CRACD: variants seen among roughly 807,000 people sequenced by gnomAD.
CRACD encodes the protein capping protein-inhibiting regulator of actin dynamics.
A neutral mutation model predicts 106.8 loss-of-function variants in CRACD; 56 were observed. The ratio of observed to expected loss-of-function variants is 0.52; its 90% CI spans 0.42 to 0.66. The LOEUF (loss-of-function observed/expected upper bound fraction) is 0.66. CRACD is among the 30% of genes least tolerant of loss of function. The pLI is 0.00. For missense variants in CRACD, 1,730 were observed against 1,623.2 expected, an observed-to-expected ratio of 1.07 and a Z score of -1.13; for synonymous variants, 754 against 670.8, an observed-to-expected ratio of 1.12 and a Z score of -1.92.
intron 1 of CRACD, among the ~76,000 whole-genome samples, chr4:56,149,500 G>T (rs1461912335): frequency 4.6e-5 from 7 of 152,132 alleles, no homozygotes; most frequent in African/African-American, 1.4e-4. Context: ...TTCTACATGT[G>T]CTTATCTGTA....
chr4:56,179,914 G>T (rs1736741019), intron 2 of CRACD, among the ~76,000 whole-genome samples: 1 of 152,114 alleles, frequency 6.6e-6, no homozygotes, highest in Non-Finnish European at 1.5e-5. Flanking sequence ...CTACTCAGGA[G>T]GCTGAGGCAG....
intron 1 of CRACD, among the ~76,000 whole-genome samples, chr4:56,070,343 T>C (rs56389699): frequency 0.21 from 30,987 of 148,670 alleles, 4,804 homozygotes; most frequent in African/African-American, 0.44. Flanking sequence ...TCTGTCGCCC[T>C]GGCTGGAGTA....
chr4:56,183,954 C>A (rs2109442426), intron 2 of CRACD, among the ~76,000 whole-genome samples: 1 of 152,222 alleles, frequency 6.6e-6, no homozygotes, highest in South Asian at 2.1e-4. Context: ...TCCCTCTAAG[C>A]TTTTGTGCTT....
At position 56,284,292 on chromosome 4, in the gene CRACD, T is replaced by TAAAA. The variant is rs59270238; in HGVS notation, c.-17+11823_-17+11826dup. Among the ~76,000 whole-genome samples the TAAAA allele has an allele frequency of 7.7e-3, 350 of 45,466 alleles. 50 individuals are homozygous for TAAAA. Among genetic ancestry groups the TAAAA allele is most frequent in the African/African-American group, 0.027 (289 of 10,814 alleles). The allele number at this position is 45,466 out of a possible 152,430, so 29.8% of individuals were successfully genotyped here. ...AACATAGTAAGAACCCATCCTAAAG[T>TAAAA]AAAAAAAAAAAAAAAAAAAAAAAAA... On this transcript the variant is annotated intron_variant, in intron 3 of 10. Transcript: ENST00000682029.
chr4:56,237,413 AG>A (rs1740041852), intron 2 of CRACD, among the ~76,000 whole-genome samples: 1 of 152,172 alleles, frequency 6.6e-6, no homozygotes, highest in African/African-American at 2.4e-5. Context: ...TATGCATTTA[AG>A]TCCTATAAAA....
intron 2 of CRACD, among the ~76,000 whole-genome samples, chr4:56,257,318 G>A (rs1342942427): frequency 6.6e-6 from 1 of 152,000 alleles, no homozygotes; most frequent in South Asian, 2.1e-4. Flanking sequence ...CTGACCTCAG[G>A]TGATCCACCT....
chr4:56,233,385 G>A (rs563325446), intron 2 of CRACD, among the ~76,000 whole-genome samples: 52 of 152,232 alleles, frequency 3.4e-4, no homozygotes, highest in South Asian at 8.3e-4. Flanking sequence ...GGGGCTATAG[G>A]CATGCATCAC....
intron 1 of CRACD, among the ~76,000 whole-genome samples, chr4:56,109,292 A>G (rs1475948031): frequency 6.6e-6 from 1 of 152,238 alleles, no homozygotes; most frequent in Non-Finnish European, 1.5e-5. Flanking sequence ...CTAATGGTTG[A>G]TAATTGTCCA....
chr4:56,075,465 T>G (rs112277925), intron 1 of CRACD, among the ~76,000 whole-genome samples: 3,669 of 152,330 alleles, frequency 0.024, 65 homozygotes, highest in Admixed American at 0.058. Flanking sequence ...ATTTTCTAGT[T>G]TATTTGCATA....
intron 2 of CRACD, among the ~76,000 whole-genome samples, chr4:56,210,310 A>G (rs947274041): frequency 6.6e-6 from 1 of 152,234 alleles, no homozygotes; most frequent in Admixed American, 6.5e-5. Flanking sequence ...GTTTGTGTAC[A>G]GATCCATTCC....
chr4:56,068,734 C>G (rs1392530215), intron 1 of CRACD, among the ~76,000 whole-genome samples: 2 of 152,030 alleles, frequency 1.3e-5, no homozygotes, highest in African/African-American at 4.8e-5. Context: ...TTTGCCCTGA[C>G]TGAGGTGGTA....
intron 3 of CRACD, among the ~76,000 whole-genome samples, chr4:56,288,302 C>T (rs539992070): frequency 4.0e-5 from 6 of 151,836 alleles, no homozygotes; most frequent in Admixed American, 6.6e-5. Flanking sequence ...GGGTATATTA[C>T]GTGATGCTGA....
At chr4:56,217,237 T>A (rs1738753004) in intron 2 of CRACD, among the ~76,000 whole-genome samples, 3 of 152,162 alleles carry the variant, frequency 2.0e-5, no homozygotes, top group Admixed American at 1.3e-4. Flanking sequence ...AAGAAGTATC[T>A]GAGGCAAGTC....
rs1327473532 is a variant in CRACD, at chr4:56,129,263, TC to T, written c.-335-50018del. ...TTAAATTATTTGTAGAGATGGGGGC[TC>T]CCTAGGTTGCCCAGGCTGGTCCTGA... On this transcript the variant is annotated intron_variant, in intron 1 of 10. Coordinates refer to ENST00000682029, the MANE Select transcript of CRACD (RefSeq NM_001393381.1). Among the ~76,000 whole-genome samples the T allele has an allele frequency of 7.9e-5, 12 of 152,252 alleles. No homozygotes were observed. The East Asian group carries it at 2.3e-3, about 29-fold the overall frequency.
intron 4 of CRACD, among the ~76,000 whole-genome samples, chr4:56,305,699 A>G (rs530537477): frequency 6.6e-6 from 1 of 152,134 alleles, no homozygotes; most frequent in South Asian, 2.1e-4. Flanking sequence ...CCAGGCATAC[A>G]AGCCCTTGCC....
chr4:56,228,800 T>G (rs1375831099), intron 2 of CRACD, among the ~76,000 whole-genome samples: 1 of 152,206 alleles, frequency 6.6e-6, no homozygotes, highest in East Asian at 1.9e-4. Context: ...CTGATGATAC[T>G]TTATGTAGGT....
rs973776811 is a variant in CRACD at position 56,314,837 on chromosome 4, C to T, written c.1335C>T (p.Ser445=). ...RLKPEGQREH[S]EEPGICEEQN... is the part of the protein sequence containing the mutation. ...AACCCGAAGGACAAAGAGAACACTC[C>T]GAGGAGCCAGGTATTTGCGAGGAGC... The change falls in exon 8 of 11, where the codon TCC becomes TCT. Residue 445 remains serine (S), a synonymous_variant. Transcript: ENST00000682029. This position sits in a 1 kb window ranked among gnomAD's most constrained non-coding sequence, Gnocchi z 4.4. The T allele has an allele frequency of 1.9e-6, 3 of 1,611,104 alleles. No homozygotes were observed. Among genetic ancestry groups the T allele is most frequent in the Non-Finnish European group, 2.5e-6 (3 of 1,179,212 alleles).
intron 8 of CRACD, among the ~76,000 whole-genome samples, chr4:56,320,015 A>C (rs1421588566): frequency 6.6e-6 from 1 of 152,112 alleles, no homozygotes; most frequent in Non-Finnish European, 1.5e-5. Flanking sequence ...TCTACTAAAA[A>C]TACAAAAATT....
At chr4:56,213,052 C>G (rs917961493) in intron 2 of CRACD, among the ~76,000 whole-genome samples, 2 of 152,194 alleles carry the variant, frequency 1.3e-5, no homozygotes, top group African/African-American at 4.8e-5. Context: ...TAGCAGGTAG[C>G]CTGTCTTGGC....
Sources: allele counts gnomAD v4.1 joint callset (sites outside exome capture counted in the v4.1 genomes callset), GRCh38; gene constraint gnomAD v4.1.1; non-coding constraint Gnocchi (gnomAD v3.1); transcripts MANE v1.5; gene names NCBI Gene and HGNC (gene_info 2026-07-23, HGNC 2026-07-21).